ROR1: variants seen among roughly 807,000 people sequenced by gnomAD.
ROR1 encodes ROR family WNT receptor 1.
In ROR1, 19 loss-of-function variants were observed where a neutral mutation model predicts 78.8. That is an observed-to-expected ratio of 0.24 (90% CI 0.17 to 0.35). The LOEUF (loss-of-function observed/expected upper bound fraction) is 0.35, where lower values mean the gene tolerates loss of function less well. Among genes scored for constraint, ROR1 ranks in the 10% least tolerant of loss-of-function variants. The probability of loss-of-function intolerance (pLI) is 1.00; values close to 1 mark genes in which losing one functional copy is unlikely to be tolerated. For synonymous variants in ROR1, 386 were observed against 433.6 expected (o/e 0.89, Z 1.36); for missense variants, 917 against 1,177.8 (o/e 0.78, Z 3.24).
chr1:64,027,695 CTTTTTT>C (rs796409595), intron 2 of ROR1, among the ~76,000 whole-genome samples: 1 of 143,930 alleles, frequency 6.9e-6, no homozygotes, highest in East Asian at 2.0e-4. Flanking sequence ...CGTTCTTTTT[CTTTTTT>C]TTTTTTTGAA....
At chr1:64,037,586 G>T (rs1187545079) in intron 2 of ROR1, among the ~76,000 whole-genome samples, 3 of 152,068 alleles carry the variant, frequency 2.0e-5, no homozygotes, top group Admixed American at 1.3e-4. Flanking sequence ...AGATGCCTTG[G>T]GGTTCCTCAA....
intron 2 of ROR1, among the ~76,000 whole-genome samples, chr1:64,021,500 A>G (rs1646565108): frequency 6.6e-6 from 1 of 152,210 alleles, no homozygotes; most frequent in Non-Finnish European, 1.5e-5. Context: ...ACACTTCCTG[A>G]GCACCATTTA....
At chr1:64,113,139 T>G (rs1412177986) in intron 4 of ROR1, among the ~76,000 whole-genome samples, 1 of 152,206 alleles carries the variant, frequency 6.6e-6, no homozygotes, top group African/African-American at 2.4e-5. Context: ...AACCTGCATC[T>G]TTTGTTTCTC....
chr1:64,131,272 G>A (rs1648902187), intron 4 of ROR1, among the ~76,000 whole-genome samples: 1 of 152,116 alleles, frequency 6.6e-6, no homozygotes, highest in Non-Finnish European at 1.5e-5. Flanking sequence ...GAGGTCAGAG[G>A]TGTTGGGCTA....
At position 63,774,446 on chromosome 1, in the gene ROR1, G is replaced by A; in HGVS notation, c.29G>A (p.Arg10His). 1.7e-6 allele frequency: 2 copies of A among 1,175,656 alleles called. No homozygotes were observed. Among genetic ancestry groups the A allele is most frequent in the East Asian group, 4.1e-5 (1 of 24,456 alleles). 72.8% of individuals were successfully genotyped at this position (1,175,656 alleles called of 1,614,324 possible). MHRPRRRGTRPPLLALLAAL... is the reference protein window; with the variant it reads MHRPRRRGTHPPLLALLAAL... ...CACCGGCCGCGCCGCCGCGGGACGC[G>A]CCCGCCGCTCCTGGCGCTGCTGGCC... The change falls in exon 1 of 9, where the codon CGC becomes CAC. Residue 10 changes from arginine to histidine, a missense_variant. Physicochemically the swap from Arg to His is conservative, Grantham distance 29 (BLOSUM62 0). Transcript: ENST00000371079. This position sits in a 1 kb window ranked among gnomAD's most constrained non-coding sequence, Gnocchi z 5.7.
intron 2 of ROR1, among the ~76,000 whole-genome samples, chr1:64,010,012 T>C (rs1646463393): frequency 6.6e-6 from 1 of 152,204 alleles, no homozygotes; most frequent in Non-Finnish European, 1.5e-5. Context: ...TAGTTATCTT[T>C]ATTCCCCTTT....
intron 1 of ROR1, among the ~76,000 whole-genome samples, chr1:63,826,252 C>T (rs940992750): frequency 1.3e-5 from 2 of 152,150 alleles, no homozygotes; most frequent in Admixed American, 6.6e-5. Context: ...TCCCACCCTC[C>T]ACCTTCCTAT....
chr1:63,790,409 T>C (rs1397025606), intron 1 of ROR1, among the ~76,000 whole-genome samples: 1 of 152,238 alleles, frequency 6.6e-6, no homozygotes, highest in Non-Finnish European at 1.5e-5. Context: ...AATCCAGCCC[T>C]GTAAAAAGTC....
chr1:63,806,542 C>A (rs982583818), intron 1 of ROR1, among the ~76,000 whole-genome samples: 4 of 152,186 alleles, frequency 2.6e-5, no homozygotes, highest in East Asian at 3.9e-4. Context: ...TGGTCTCGAT[C>A]TCCTGACCTT....
intron 1 of ROR1, among the ~76,000 whole-genome samples, chr1:63,782,171 CA>C (rs1489389554): frequency 6.6e-6 from 1 of 152,186 alleles, no homozygotes; most frequent in African/African-American, 2.4e-5. Context: ...GAGGGTTTTT[CA>C]AATGACAGAT....
At chr1:64,023,016 G>A (rs183406036) in intron 2 of ROR1, among the ~76,000 whole-genome samples, 141 of 152,244 alleles carry the variant, frequency 9.3e-4, no homozygotes, top group Non-Finnish European at 7.1e-4. Flanking sequence ...CTAATAATGC[G>A]ATCATCTATT....
chr1:64,018,001 G>A (rs1646534956), intron 2 of ROR1, among the ~76,000 whole-genome samples: 1 of 151,580 alleles, frequency 6.6e-6, no homozygotes, highest in Admixed American at 6.6e-5. Flanking sequence ...TTCCCAGGCT[G>A]TTTTTTCCTT....
intron 1 of ROR1, among the ~76,000 whole-genome samples, chr1:63,828,183 T>C (rs1436431633): frequency 6.6e-6 from 1 of 152,168 alleles, no homozygotes; most frequent in African/African-American, 2.4e-5. Flanking sequence ...CCAGGTTTGG[T>C]TGATACTGTG....
At chr1:63,817,781 G>A (rs1644900951) in intron 1 of ROR1, among the ~76,000 whole-genome samples, 1 of 152,158 alleles carries the variant, frequency 6.6e-6, no homozygotes, top group Non-Finnish European at 1.5e-5. Context: ...GGGTTATTTT[G>A]CTCTAGACTC....
chr1:64,159,776 C>T (rs1004339860), intron 8 of ROR1, among the ~76,000 whole-genome samples: 2 of 152,064 alleles, frequency 1.3e-5, no homozygotes, highest in African/African-American at 2.4e-5. Context: ...CAATAGTCTT[C>T]GAATGCTGTT....
At position 63,774,160 on chromosome 1, in the gene ROR1, C is replaced by T. The variant is rs988921584; in HGVS notation, c.-258C>T. The T allele has an allele frequency of 1.9e-5, 4 of 209,664 alleles. No individual in the cohort carries two copies. The highest frequency in any genetic ancestry group is 5.9e-5 in the Admixed American group (1 of 16,956). 13.0% of individuals were successfully genotyped at this position (209,664 alleles called of 1,614,324 possible). ...GCGACTCACGCCCACTGGTGCGACC[C>T]GGACAGCCTGGGACTGACCCGCCGG... On this transcript the variant is annotated 5_prime_UTR_variant, in exon 1 of 9. Transcript: ENST00000371079. The surrounding 1 kb of genome is among the most constrained non-coding windows in gnomAD (Gnocchi z 5.7).
chr1:64,038,600 A>C (rs1646721902), intron 2 of ROR1, among the ~76,000 whole-genome samples: 1 of 152,162 alleles, frequency 6.6e-6, no homozygotes, highest in African/African-American at 2.4e-5. Context: ...TCTGGCCTGG[A>C]AAATGGGTTA....
At chr1:64,104,398 A>G (rs946891496) in intron 4 of ROR1, among the ~76,000 whole-genome samples, 23 of 152,148 alleles carry the variant, frequency 1.5e-4, no homozygotes, top group African/African-American at 4.6e-4. Flanking sequence ...GATGAGTCCA[A>G]AGGAAAATCA....
intron 1 of ROR1, among the ~76,000 whole-genome samples, chr1:63,820,694 C>T (rs1050678542): frequency 6.6e-6 from 1 of 152,118 alleles, no homozygotes; most frequent in Non-Finnish European, 1.5e-5. Flanking sequence ...ATTCAAAGGT[C>T]AGGTAAGGTT....
Sources: allele counts gnomAD v4.1 joint callset (sites outside exome capture counted in the v4.1 genomes callset), GRCh38; gene constraint gnomAD v4.1.1; non-coding constraint Gnocchi (gnomAD v3.1); transcripts MANE v1.5; gene names NCBI Gene and HGNC (gene_info 2026-07-23, HGNC 2026-07-21).